PHF14: variants seen among roughly 807,000 people sequenced by gnomAD.
The protein encoded by PHF14 is PHD finger protein 14.
A neutral mutation model predicts 117.9 loss-of-function variants in PHF14; 55 were observed. That is an observed-to-expected ratio of 0.47 (90% CI 0.38 to 0.58). PHF14 has a LOEUF of 0.58. Among genes scored for constraint, PHF14 ranks in the 20% least tolerant of loss-of-function variants. The pLI, the probability that PHF14 is intolerant of heterozygous loss-of-function variation, is 0.00. For missense variants in PHF14, 978 were observed against 1,122.2 expected (o/e 0.87, Z 1.84); for synonymous variants, 409 against 368.6 (o/e 1.11, Z -1.26).
chr7:11,163,331 G>A (rs1046033545), intron 17 of PHF14, among the ~76,000 whole-genome samples: 1 of 152,104 alleles, frequency 6.6e-6, no homozygotes, highest in Non-Finnish European at 1.5e-5. Context: ...AGCATTTCTT[G>A]TAAGTTCATT....
intron 5 of PHF14, among the ~76,000 whole-genome samples, chr7:11,016,583 T>G (rs1043180451): frequency 6.6e-6 from 1 of 152,164 alleles, no homozygotes; most frequent in African/African-American, 2.4e-5. Context: ...CTCTCCTTTT[T>G]TATTTTTTAT....
At chr7:10,986,377 G>A (rs778349810) in intron 3 of PHF14, among the ~76,000 whole-genome samples, 2 of 152,120 alleles carry the variant, frequency 1.3e-5, no homozygotes, top group Non-Finnish European at 2.9e-5. Context: ...AACTGAGGAA[G>A]CACACAAGTT....
chr7:11,007,425 C>G (rs940001849), intron 4 of PHF14, among the ~76,000 whole-genome samples: 4 of 151,822 alleles, frequency 2.6e-5, no homozygotes, highest in African/African-American at 4.8e-5. Flanking sequence ...TTTTTTCCCC[C>G]TTAACTCTTT....
chr7:10,998,347 G>A (rs1782737402), intron 4 of PHF14, among the ~76,000 whole-genome samples: 1 of 152,094 alleles, frequency 6.6e-6, no homozygotes, highest in African/African-American at 2.4e-5. Flanking sequence ...GGGAGTTAGA[G>A]ATTTGGGGAG....
intron 7 of PHF14, 36 bp downstream of exon 7, chr7:11,028,854 T>C: frequency 1.9e-6 from 3 of 1,577,302 alleles, no homozygotes; most frequent in Non-Finnish European, 2.6e-6. Flanking sequence ...GTGAACATGT[T>C]CACAAGATAT....
intron 7 of PHF14, among the ~76,000 whole-genome samples, chr7:11,032,362 C>T (rs868684307): frequency 6.6e-6 from 1 of 152,042 alleles, no homozygotes; most frequent in African/African-American, 2.4e-5. Context: ...ACCAGTAAAG[C>T]GTAGGTACGT....
intron 4 of PHF14, among the ~76,000 whole-genome samples, chr7:10,994,952 C>A (rs796406263): frequency 2.0e-5 from 3 of 152,200 alleles, no homozygotes; most frequent in Admixed American, 1.3e-4. Flanking sequence ...GCTCTTATCC[C>A]CTTCTCTGGC....
chr7:10,983,917 C>T (rs1219882252), intron 3 of PHF14, among the ~76,000 whole-genome samples: 1 of 152,096 alleles, frequency 6.6e-6, no homozygotes, highest in Non-Finnish European at 1.5e-5. Context: ...CAAGACTCTT[C>T]AGTCAAACAC....
chr7:11,084,211 C>T (rs796909260), intron 16 of PHF14, among the ~76,000 whole-genome samples: 44 of 152,162 alleles, frequency 2.9e-4, no homozygotes, highest in African/African-American at 9.9e-4. Flanking sequence ...TACACACACA[C>T]AATCTGAAAA....
Position 11,003,262 on chromosome 7 carries a change from T to G in PHF14, c.1046-10485T>G, listed in dbSNP as rs532576748. ...TAAAATCAGTCCCTTAAAATAAAGTTCACGCTAATAGCAGGACTCTCTGAG... is the reference window on the plus strand; with the variant it reads ...TAAAATCAGTCCCTTAAAATAAAGTGCACGCTAATAGCAGGACTCTCTGAG... On this transcript the variant is annotated intron_variant, in intron 4 of 17. Transcript: ENST00000634607. Among the ~76,000 whole-genome samples the G allele has an allele frequency of 1.5e-4, 23 of 152,286 alleles. No individual in the cohort carries two copies. The South Asian group carries it at 4.6e-3, about 30-fold the overall frequency.
intron 4 of PHF14, among the ~76,000 whole-genome samples, chr7:10,994,802 G>A (rs1469844744): frequency 1.3e-5 from 2 of 152,146 alleles, no homozygotes; most frequent in African/African-American, 4.8e-5. Flanking sequence ...AGACCTTCGC[G>A]GTGAGTGTTA....
rs960879196 is a variant in PHF14, at chr7:11,091,651, C to T, written c.2655-19699C>T. ...TGCATGCCTGTAGTTCCAGCTACTC[C>T]GGAGGCTGAGGTGGAAGAATCACCT... On this transcript the variant is annotated intron_variant, in intron 16 of 17. Coordinates refer to ENST00000634607, the MANE Select transcript of PHF14 (RefSeq NM_001007157.2). 2.0e-5 allele frequency among the ~76,000 whole-genome samples: 3 copies of T among 151,790 alleles called. No homozygotes were observed. The East Asian group carries it at 5.8e-4, about 29-fold the overall frequency.
At chr7:11,019,025 T>C (rs1293582584) in intron 5 of PHF14, among the ~76,000 whole-genome samples, 1 of 152,224 alleles carries the variant, frequency 6.6e-6, no homozygotes, top group African/African-American at 2.4e-5. Context: ...ATCCTGTTGA[T>C]GTGATATATC....
chr7:11,123,644 G>A (rs1292720958), intron 17 of PHF14, among the ~76,000 whole-genome samples: 1 of 152,138 alleles, frequency 6.6e-6, no homozygotes, highest in African/African-American at 2.4e-5. Context: ...GCTGGGTGCA[G>A]TGGTGTGAAC....
intron 17 of PHF14, among the ~76,000 whole-genome samples, chr7:11,117,173 C>G (rs992837401): frequency 1.3e-5 from 2 of 151,896 alleles, no homozygotes; most frequent in African/African-American, 4.8e-5. Context: ...TGTACTTTAT[C>G]GTGACTATGT....
At chr7:10,979,810 C>G (rs1358761887) in intron 2 of PHF14, among the ~76,000 whole-genome samples, 1 of 151,824 alleles carries the variant, frequency 6.6e-6, no homozygotes, top group Non-Finnish European at 1.5e-5. Context: ...ATTGCTGATC[C>G]CTATAGAAAG....
In PHF14 at chr7:11,149,278, G is replaced by A. The variant is rs61481160; in HGVS notation, c.2773-20138G>A. Reference sequence around the variant, plus strand: ...TTGATTTGCCATCATTTAATCTAAAGTCATATTGACTCATTATGGTCAGTA... The same window carrying A: ...TTGATTTGCCATCATTTAATCTAAAATCATATTGACTCATTATGGTCAGTA... On this transcript the variant is annotated intron_variant, in intron 17 of 17. Transcript: ENST00000634607. Among the ~76,000 whole-genome samples the A allele has an allele frequency of 6.2e-3, 946 of 152,166 alleles. 7 individuals are homozygous for A. Among genetic ancestry groups the A allele is most frequent in the African/African-American group, 0.022 (906 of 41,528 alleles).
In PHF14 at chr7:11,024,471, A is replaced by G. The variant is rs559216229; in HGVS notation, c.1317+1492A>G. Reference sequence around the variant, plus strand: ...ATGCCATCTAGGACTTACCATAGCTAGAGAGGAGAAGTCACTATCTGGCTT... The same window carrying G: ...ATGCCATCTAGGACTTACCATAGCTGGAGAGGAGAAGTCACTATCTGGCTT... On this transcript the variant is annotated intron_variant, in intron 6 of 17. Transcript: ENST00000634607. Among the ~76,000 whole-genome samples, 10 of 152,338 alleles carry G rather than the reference A, an allele frequency of 6.6e-5. No individual in the cohort carries two copies. In the South Asian group the frequency reaches 1.9e-3, roughly 28 times the overall value.
At position 11,018,078 on chromosome 7, in the gene PHF14, G is replaced by A. The variant is rs557096375; in HGVS notation, c.1205+4172G>A. On this transcript the variant is annotated intron_variant, in intron 5 of 17. Transcript: ENST00000634607. ...TTAGGCACTAAGTTCACTTAGGTGCGTGGATTTGTTTCTGAGTTCTGTATT... is the reference window on the plus strand; with the variant it reads ...TTAGGCACTAAGTTCACTTAGGTGCATGGATTTGTTTCTGAGTTCTGTATT... Among the ~76,000 whole-genome samples the A allele has an allele frequency of 1.4e-4, 21 of 152,152 alleles. No homozygotes were observed. In the East Asian group the frequency reaches 3.3e-3, roughly 24 times the overall value.
Sources: allele counts gnomAD v4.1 joint callset (sites outside exome capture counted in the v4.1 genomes callset), GRCh38; gene constraint gnomAD v4.1.1; transcripts MANE v1.5; gene names NCBI Gene and HGNC (gene_info 2026-07-23, HGNC 2026-07-21).